CLASP1: variants seen among roughly 807,000 people sequenced by gnomAD.
The protein encoded by CLASP1 is CLIP-associating protein 1.
A neutral mutation model predicts 192.3 loss-of-function variants in CLASP1; 38 were observed. That is an observed-to-expected ratio of 0.20 (90% confidence interval 0.15 to 0.26). CLASP1 has a LOEUF of 0.26. Among genes scored for constraint, CLASP1 ranks in the 10% least tolerant of loss-of-function variants. The pLI, the probability that CLASP1 is intolerant of heterozygous loss-of-function variation, is 1.00. For synonymous variants in CLASP1, 691 were observed against 712.8 expected (o/e 0.97, Z 0.49); for missense variants, 1,433 against 1,932.5 (o/e 0.74, Z 4.85).
At chr2:121,457,458 T>C (rs6735126) in intron 14 of CLASP1, among the ~76,000 whole-genome samples, 5,825 of 143,528 alleles carry the variant, frequency 0.041, 154 homozygotes, top group East Asian at 0.14. Context: ...CACACAGACA[T>C]ACACACACAC....
intron 2 of CLASP1, among the ~76,000 whole-genome samples, chr2:121,536,120 G>A (rs899168463): frequency 1.3e-5 from 2 of 151,440 alleles, no homozygotes; most frequent in East Asian, 2.0e-4. Flanking sequence ...AGTGGCTCAC[G>A]CCTGTAATCC....
intron 7 of CLASP1, among the ~76,000 whole-genome samples, chr2:121,514,563 A>C (rs1352830020): frequency 6.6e-6 from 1 of 152,280 alleles, no homozygotes; most frequent in East Asian, 1.9e-4. Context: ...TGTAAAGAAC[A>C]TGAAAAGTAG....
At chr2:121,428,001 A>T (rs1381278780) in intron 20 of CLASP1, among the ~76,000 whole-genome samples, 1 of 152,234 alleles carries the variant, frequency 6.6e-6, no homozygotes, top group African/African-American at 2.4e-5. Context: ...TTAAATATTT[A>T]ATTTATATGC....
intron 30 of CLASP1, among the ~76,000 whole-genome samples, chr2:121,393,563 G>C (rs2149415949): frequency 6.6e-6 from 1 of 152,122 alleles, no homozygotes; most frequent in African/African-American, 2.4e-5. Flanking sequence ...AATTTATTTA[G>C]GCACTACCTT....
intron 2 of CLASP1, among the ~76,000 whole-genome samples, chr2:121,545,932 T>C (rs560217287): frequency 8.5e-5 from 13 of 152,240 alleles, no homozygotes; most frequent in African/African-American, 3.1e-4. Flanking sequence ...AAACTTTCTT[T>C]AATTGGATTT....
intron 2 of CLASP1, among the ~76,000 whole-genome samples, chr2:121,599,141 G>A (rs1213691044): frequency 1.3e-5 from 2 of 151,932 alleles, no homozygotes. Flanking sequence ...GGGATTACAG[G>A]CGTGATTCAC....
intron 2 of CLASP1, among the ~76,000 whole-genome samples, chr2:121,598,045 G>A (rs538326073): frequency 6.6e-6 from 1 of 152,284 alleles, no homozygotes; most frequent in African/African-American, 2.4e-5. Flanking sequence ...AGGCAGACAG[G>A]AAGAGGAGAC....
chr2:121,531,020 T>A (rs1559535810), intron 2 of CLASP1: 7 of 699,984 alleles, frequency 1.0e-5, no homozygotes, highest in African/African-American at 1.7e-5. Flanking sequence ...GAAAACCTGT[T>A]TTCATAGACT....
At chr2:121,398,974 C>T (rs1296687159) in intron 28 of CLASP1, among the ~76,000 whole-genome samples, 2 of 152,220 alleles carry the variant, frequency 1.3e-5, no homozygotes, top group Non-Finnish European at 1.5e-5. Flanking sequence ...GCCAGAGAGT[C>T]AGTGCTCTTT....
intron 8 of CLASP1, among the ~76,000 whole-genome samples, chr2:121,470,898 T>C (rs918231450): frequency 6.6e-6 from 1 of 152,242 alleles, no homozygotes; most frequent in Non-Finnish European, 1.5e-5. Flanking sequence ...ACTTTCTATG[T>C]TGCATTTCTT....
intron 2 of CLASP1, among the ~76,000 whole-genome samples, chr2:121,557,947 G>C (rs1015597467): frequency 5.3e-5 from 8 of 151,564 alleles, no homozygotes; most frequent in African/African-American, 1.9e-4. Context: ...CGGGCATGGT[G>C]GTGGGCACCT....
chr2:121,413,934 A>G (rs2078141799), intron 23 of CLASP1, among the ~76,000 whole-genome samples: 1 of 152,196 alleles, frequency 6.6e-6, no homozygotes, highest in South Asian at 2.1e-4. Flanking sequence ...TGGAGAAACG[A>G]TGTTGTCAAA....
chr2:121,513,431 T>A (rs759197794), intron 7 of CLASP1, among the ~76,000 whole-genome samples: 17 of 152,050 alleles, frequency 1.1e-4, no homozygotes, highest in Middle Eastern at 3.4e-3. Flanking sequence ...TTTTTTATTT[T>A]ATTTTTTTTT....
chr2:121,490,829 C>T (rs141330026), intron 8 of CLASP1, among the ~76,000 whole-genome samples: 1 of 152,308 alleles, frequency 6.6e-6, no homozygotes, highest in African/African-American at 2.4e-5. Flanking sequence ...AGATACTGAA[C>T]CACTATCCCA....
At chr2:121,530,181 G>C (rs1387747996) in intron 3 of CLASP1, 66 bp downstream of exon 3, 5 of 1,408,164 alleles carry the variant, frequency 3.6e-6, no homozygotes, top group Non-Finnish European at 4.9e-6. Context: ...TTTGGGAGCC[G>C]GGGAGGCCGA....
At chr2:121,617,862 C>T (rs1425274628) in intron 1 of CLASP1, among the ~76,000 whole-genome samples, 3 of 152,206 alleles carry the variant, frequency 2.0e-5, no homozygotes, top group Non-Finnish European at 4.4e-5. Flanking sequence ...AAATTTGTAT[C>T]TCCAAGCCAA....
chr2:121,585,799 AGCCAGGAGAATCGCTTGAACCCAG>A (rs2061656155), intron 2 of CLASP1, among the ~76,000 whole-genome samples: 2 of 151,658 alleles, frequency 1.3e-5, no homozygotes, highest in African/African-American at 4.8e-5. Context: ...CAGGAGACTG[AGCCAGGAGAATCGCTTGAACCCAG>A]GAGGCAGAGG....
intron 8 of CLASP1, among the ~76,000 whole-genome samples, chr2:121,478,854 AC>A (rs749062222): frequency 0.04 from 1,877 of 46,910 alleles, 55 homozygotes; most frequent in East Asian, 0.13. Context: ...CACACCACAC[AC>A]CACACCACAC....
At chr2:121,603,212 A>AG (rs2063998225) in intron 2 of CLASP1, 1 of 151,404 alleles carries the variant, frequency 6.6e-6, no homozygotes, top group South Asian at 2.1e-4. Context: ...ACATCTCAAC[A>AG]GAAAAAAAAA....
Sources: gnomAD v4.1 joint callset for allele counts (sites outside exome capture counted in the v4.1 genomes callset) on GRCh38, gnomAD v4.1.1 for gene constraint, MANE v1.5 for transcripts, NCBI Gene and HGNC (gene_info 2026-07-23, HGNC 2026-07-21) for gene names.